Variants in RBFOX1 observed in about 807,000 individuals in gnomAD.
The protein encoded by RBFOX1 is RNA binding fox-1 homolog 1, also known as RNA binding protein fox-1 homolog 1.
RBFOX1 carries 8 observed loss-of-function variants against 57.7 expected under a neutral mutation model. The observed-to-expected ratio is 0.14, with a 90% CI of 0.08 to 0.25. RBFOX1 has a LOEUF of 0.25. RBFOX1 is among the 10% of genes least tolerant of loss of function. RBFOX1 has a pLI of 1.00. For synonymous variants in RBFOX1, 326 were observed against 222.4 expected (o/e 1.47, Z -4.15); for missense variants, 611 against 548.5 (o/e 1.11, Z -1.14).
At chr16:7,284,616 C>G (rs1052822368) in intron 4 of RBFOX1, among the ~76,000 whole-genome samples, 10 of 152,202 alleles carry the variant, frequency 6.6e-5, no homozygotes, top group African/African-American at 2.2e-4. Flanking sequence ...CAGGCATAAG[C>G]CACCACTCCT....
intron 3 of RBFOX1, among the ~76,000 whole-genome samples, chr16:5,860,282 C>T (rs2057179662): frequency 6.6e-6 from 1 of 152,038 alleles, no homozygotes; most frequent in African/African-American, 2.4e-5. Context: ...GGGGTCTCAC[C>T]ATGTTGGTCA....
intron 1 of RBFOX1, among the ~76,000 whole-genome samples, chr16:6,164,258 A>C (rs548576881): frequency 6.6e-6 from 1 of 152,316 alleles, no homozygotes; most frequent in African/African-American, 2.4e-5. Context: ...AATTATATGT[A>C]ATGTCAATTG....
At chr16:6,922,918 C>T (rs979135896) in intron 3 of RBFOX1, among the ~76,000 whole-genome samples, 5 of 152,092 alleles carry the variant, frequency 3.3e-5, no homozygotes, top group African/African-American at 1.2e-4. Context: ...TCTGTATTTC[C>T]TTTTGGCCAT....
At chr16:6,853,211 C>G (rs1202306320) in intron 3 of RBFOX1, among the ~76,000 whole-genome samples, 1 of 152,078 alleles carries the variant, frequency 6.6e-6, no homozygotes, top group East Asian at 1.9e-4. Flanking sequence ...ACCCTTAGGG[C>G]TTTTGTGAGC....
At chr16:6,695,742 C>A (rs1165559845) in intron 3 of RBFOX1, among the ~76,000 whole-genome samples, 2 of 152,206 alleles carry the variant, frequency 1.3e-5, no homozygotes, top group Non-Finnish European at 2.9e-5. Context: ...GTTCAAGAAT[C>A]ATGAATCCTC....
At chr16:7,206,488 C>G (rs2089999178) in intron 4 of RBFOX1, among the ~76,000 whole-genome samples, 1 of 121,354 alleles carries the variant, frequency 8.2e-6, no homozygotes. Context: ...TATATATATG[C>G]ACACACACAC....
chr16:6,983,947 A>C (rs1449932981), intron 3 of RBFOX1, among the ~76,000 whole-genome samples: 1 of 152,134 alleles, frequency 6.6e-6, no homozygotes, highest in Admixed American at 6.6e-5. Flanking sequence ...CAGTTTACTA[A>C]GTGTAAAATC....
chr16:7,153,567 C>G (rs2076496211), intron 4 of RBFOX1, among the ~76,000 whole-genome samples: 1 of 151,036 alleles, frequency 6.6e-6, no homozygotes, highest in Non-Finnish European at 1.5e-5. Context: ...AACCCCATCT[C>G]TACTGAAAAA....
chr16:7,319,501 A>G (rs1483849773), intron 4 of RBFOX1, among the ~76,000 whole-genome samples: 1 of 152,176 alleles, frequency 6.6e-6, no homozygotes, highest in African/African-American at 2.4e-5. Context: ...GGGTCTGAAT[A>G]TAGTTTGGAG....
chr16:5,408,997 A>T (rs763312418), intron 1 of RBFOX1, among the ~76,000 whole-genome samples: 9 of 152,234 alleles, frequency 5.9e-5, no homozygotes, highest in Non-Finnish European at 8.8e-5. Flanking sequence ...GGTGGCGACA[A>T]ATATACAAAC....
intron 1 of RBFOX1, among the ~76,000 whole-genome samples, chr16:6,179,773 A>T (rs2152785789): frequency 6.6e-6 from 1 of 152,316 alleles, no homozygotes; most frequent in East Asian, 1.9e-4. Context: ...CAAGATCAAA[A>T]CACATTATCT....
intron 2 of RBFOX1, among the ~76,000 whole-genome samples, chr16:5,591,473 A>G (rs578036803): frequency 6.6e-6 from 1 of 152,036 alleles, no homozygotes; most frequent in South Asian, 2.1e-4. Flanking sequence ...TTGGTCTCGT[A>G]CTCCTGACCT....
chr16:6,806,836 A>ATATATATATATATATATATTTT (rs754342591), intron 3 of RBFOX1, among the ~76,000 whole-genome samples: 1 of 91,904 alleles, frequency 1.1e-5, no homozygotes, highest in Non-Finnish European at 2.1e-5. Flanking sequence ...ATATATATAT[A>ATATATATATATATATATATTTT]TTTTTTTTTT....
intron 4 of RBFOX1, among the ~76,000 whole-genome samples, chr16:7,262,285 C>G (rs1291035181): frequency 1.3e-5 from 2 of 148,630 alleles, no homozygotes; most frequent in African/African-American, 5.0e-5. Flanking sequence ...TTCTAATATT[C>G]TGTCTTTTCC....
intron 3 of RBFOX1, among the ~76,000 whole-genome samples, chr16:6,937,537 C>T (rs1210070977): frequency 6.6e-6 from 1 of 152,006 alleles, no homozygotes; most frequent in Non-Finnish European, 1.5e-5. Context: ...GAACACACAC[C>T]CATAGTGGTC....
intron 1 of RBFOX1, among the ~76,000 whole-genome samples, chr16:6,039,255 C>G (rs528247496): frequency 6.7e-6 from 1 of 149,908 alleles, no homozygotes; most frequent in East Asian, 2.0e-4. Context: ...GTCATGGCCT[C>G]TGTCTGGCTT....
chr16:6,681,579 G>A (rs1034109419), intron 3 of RBFOX1, among the ~76,000 whole-genome samples: 8 of 150,870 alleles, frequency 5.3e-5, no homozygotes, highest in African/African-American at 1.9e-4. Flanking sequence ...ACAATTTGTT[G>A]TTAATTTGGC....
intron 10 of RBFOX1, 89 bp from the exon 11 acceptor site, chr16:7,630,514 C>G: frequency 1.3e-6 from 2 of 1,573,250 alleles, no homozygotes; most frequent in South Asian, 2.3e-5. Flanking sequence ...GTTTTCATTT[C>G]TCTGCATTTC....
At chr16:6,534,150 C>T (rs923027959) in intron 2 of RBFOX1, among the ~76,000 whole-genome samples, 4 of 152,090 alleles carry the variant, frequency 2.6e-5, no homozygotes, top group East Asian at 3.9e-4. Context: ...GGGAAATTAC[C>T]CAAACATCCA....
Sources: allele counts gnomAD v4.1 joint callset (sites outside exome capture counted in the v4.1 genomes callset), GRCh38; gene constraint gnomAD v4.1.1; transcripts MANE v1.5; gene names NCBI Gene and HGNC (gene_info 2026-07-23, HGNC 2026-07-21).